RGS9: variants seen among roughly 807,000 people sequenced by gnomAD.
The protein encoded by RGS9 is regulator of G-protein signalling 9.
In RGS9, 78 loss-of-function variants were observed where a neutral mutation model predicts 102.0. The observed-to-expected ratio is 0.76, with a 90% CI of 0.64 to 0.92. The LOEUF (loss-of-function observed/expected upper bound fraction) is 0.92, where lower values mean the gene tolerates loss of function less well. RGS9 is among the 40% of genes least tolerant of loss of function. The pLI, the probability that RGS9 is intolerant of heterozygous loss-of-function variation, is 0.00. For missense variants in RGS9, 833 were observed against 866.1 expected (o/e 0.96, Z 0.48); for synonymous variants, 353 against 318.6 (o/e 1.11, Z -1.15).
intron 17 of RGS9, among the ~76,000 whole-genome samples, chr17:65,213,886 T>C (rs1913397202): frequency 6.6e-6 from 1 of 152,184 alleles, no homozygotes; most frequent in Admixed American, 6.5e-5. Context: ...ACACTATCTG[T>C]CTAGAGGAAG....
Position 65,225,129 on chromosome 17 carries a change from GC to G in RGS9, c.1536del (p.Phe513SerfsTer74). Reference sequence around the variant, plus strand: ...AGGAAGCCTTTCGCCTCACCCAGCCGCTTCATCCGGCGACCCAGCACCACCA... The same window carrying G: ...AGGAAGCCTTTCGCCTCACCCAGCCGTTCATCCGGCGACCCAGCACCACCA... ...SPRKPFASPSRFIRRPSTTIC... is the reference protein window; with the variant it reads ...SPRKPFASPSXFIRRPSTTIC... On this transcript the variant is annotated frameshift_variant, in exon 18 of 19. Transcript: ENST00000262406. LOFTEE classifies it high-confidence loss of function. 1 of 1,613,594 alleles carries G rather than the reference GC, an allele frequency of 6.2e-7. No homozygotes were observed. The highest frequency in any genetic ancestry group is 8.5e-7 in the Non-Finnish European group (1 of 1,180,010).
rs372223065 is a variant in RGS9, at chr17:65,174,273, A to C, written c.583-3459A>C. Among the ~76,000 whole-genome samples the C allele has an allele frequency of 1.1e-4, 16 of 152,370 alleles. No homozygotes were observed. The East Asian group carries it at 3.1e-3, about 29-fold the overall frequency. ...TAGATAACGAATTCAAGACTTGAGC[A>C]GATGACCACACCGAAGTCACCGAGG... On this transcript the variant is annotated intron_variant, in intron 8 of 18. Coordinates refer to ENST00000262406, the MANE Select transcript of RGS9 (RefSeq NM_003835.4).
intron 14 of RGS9, 55 bp downstream of exon 14, chr17:65,202,135 C>A: frequency 8.1e-7 from 1 of 1,227,444 alleles, no homozygotes; most frequent in Non-Finnish European, 1.2e-6. Flanking sequence ...GAGGACCACC[C>A]CATTGTGCTT....
chr17:65,176,738 TCCATCCATCCATCCAC>T (rs1330968764), intron 8 of RGS9, among the ~76,000 whole-genome samples: 5 of 146,208 alleles, frequency 3.4e-5, no homozygotes, highest in African/African-American at 1.3e-4. Flanking sequence ...CATCCATCCA[TCCATCCATCCATCCAC>T]CCATCCACCC....
At position 65,160,892 on chromosome 17, in the gene RGS9, T is replaced by C. The variant is rs1406411013; in HGVS notation, c.406T>C (p.Leu136=). 6 of 1,613,704 alleles carry C rather than the reference T, an allele frequency of 3.7e-6. No homozygotes were observed. Among genetic ancestry groups the C allele is most frequent in the Non-Finnish European group, 5.1e-6 (6 of 1,179,666 alleles). ...AKRNIKKKGI[L]EEYEKENYNF... ...GCGAAATATCAAAAAGAAAGGGATT[T>C]TGGAAGAATATGAAAAGGTATGGAG... Residue 136 remains leucine, a synonymous_variant, in exon 6 of 19, where the codon TTG becomes CTG. Coordinates refer to ENST00000262406, the MANE Select transcript of RGS9 (RefSeq NM_003835.4).
intron 7 of RGS9, among the ~76,000 whole-genome samples, chr17:65,164,342 C>T (rs1911094705): frequency 6.6e-6 from 1 of 152,186 alleles, no homozygotes; most frequent in Non-Finnish European, 1.5e-5. Flanking sequence ...TCATCCTGCT[C>T]ATGAGTCACT....
At chr17:65,155,383 G>A (rs959240839) in intron 2 of RGS9, among the ~76,000 whole-genome samples, 1 of 152,218 alleles carries the variant, frequency 6.6e-6, no homozygotes, top group Non-Finnish European at 1.5e-5. Flanking sequence ...TCTCAGAGCT[G>A]TGTTTGTAAC....
intron 1 of RGS9, among the ~76,000 whole-genome samples, chr17:65,143,625 T>C (rs989086134): frequency 8.7e-5 from 13 of 149,906 alleles, no homozygotes; most frequent in African/African-American, 2.7e-4. Context: ...CTACCAAAAA[T>C]ACACACACAC....
At chr17:65,193,415 G>A (rs1912455516) in intron 11 of RGS9, 128 bp from the exon 12 acceptor site, 1 of 713,428 alleles carries the variant, frequency 1.4e-6, no homozygotes. Flanking sequence ...AAATTTCTAG[G>A]AAAACAGTAA....
intron 8 of RGS9, 118 bp from the exon 9 acceptor site, chr17:65,177,614 T>A: frequency 9.7e-7 from 1 of 1,029,542 alleles, no homozygotes; most frequent in Non-Finnish European, 1.5e-6. Flanking sequence ...TCCCATGGGC[T>A]AGGCCACAAG....
intron 8 of RGS9, among the ~76,000 whole-genome samples, chr17:65,177,069 C>A (rs1911661201): frequency 6.6e-6 from 1 of 151,406 alleles, no homozygotes; most frequent in South Asian, 2.1e-4. Flanking sequence ...ATCCATCCAT[C>A]CATCCATCCA....
intron 1 of RGS9, among the ~76,000 whole-genome samples, chr17:65,138,779 G>A (rs1910011016): frequency 6.6e-6 from 1 of 152,068 alleles, no homozygotes; most frequent in African/African-American, 2.4e-5. Flanking sequence ...GACAGCTCTG[G>A]CTTGGGGGCT....
At position 65,202,468 on chromosome 17, in the gene RGS9, T is replaced by TGA. The variant is rs1254887731; in HGVS notation, c.1064+401_1064+402dup. On this transcript the variant is annotated intron_variant, in intron 14 of 18. Coordinates refer to ENST00000262406, the MANE Select transcript of RGS9 (RefSeq NM_003835.4). ...GTGAGAGAGAGAGAGAGAGAGAGAG[T>TGA]GAGAGAGAGAGAGAAGAAGCAGCAA... 7.1e-5 allele frequency among the ~76,000 whole-genome samples: 7 copies of TGA among 97,956 alleles called. No individual in the cohort carries two copies. The South Asian group carries it at 9.9e-4, about 14-fold the overall frequency. The allele number at this position is 97,956 out of a possible 152,430, so 64.3% of individuals were successfully genotyped here.
rs907660313 is a variant in RGS9 at position 65,173,015 on chromosome 17, T to C, written c.583-4717T>C. ...TCAGCTCACTGCAACCTTCGCCTCC[T>C]GGGTTCCAGCGATTCTCCTGCCTCA... On this transcript the variant is annotated intron_variant, in intron 8 of 18. Coordinates refer to ENST00000262406, the MANE Select transcript of RGS9 (RefSeq NM_003835.4). The surrounding 1 kb of genome is among the most constrained non-coding windows in gnomAD (Gnocchi z 4.8). 1.3e-5 allele frequency among the ~76,000 whole-genome samples: 2 copies of C among 151,892 alleles called. No individual in the cohort carries two copies. Among genetic ancestry groups the C allele is most frequent in the Non-Finnish European group, 2.9e-5 (2 of 67,974 alleles).
chr17:65,177,732 C>A lies in RGS9; in HGVS notation c.583C>A (p.Pro195Thr), dbSNP rs536881500. 6 of 1,613,600 alleles carry A rather than the reference C, an allele frequency of 3.7e-6. No homozygotes were observed. In the East Asian group the frequency reaches 1.1e-4, roughly 30 times the overall value. ...KAYWLVHRCP[P>T]GMDNVLDYGL... ...CTTATGTTGTTTTTATTCCATTTAGCCTGGAATGGACAATGTGCTGGACTA... is the reference window on the plus strand; with the variant it reads ...CTTATGTTGTTTTTATTCCATTTAGACTGGAATGGACAATGTGCTGGACTA... The change falls in exon 9 of 19, where the codon CCT becomes ACT. Residue 195 changes from proline to threonine, a missense_variant and splice_region_variant. By Grantham distance (38) the Pro-to-Thr change is conservative (BLOSUM62 -1). Around this residue, in one of 3 missense-constraint regions of RGS9, gnomAD observed 328 missense variants for 340.6 expected, o/e 0.96. Coordinates refer to ENST00000262406, the MANE Select transcript of RGS9 (RefSeq NM_003835.4).
chr17:65,207,858 G>A, intron 15 of RGS9, 64 bp from the exon 16 acceptor site: 2 of 1,163,976 alleles, frequency 1.7e-6, no homozygotes, highest in Non-Finnish European at 2.6e-6. Flanking sequence ...AAATGGCAAG[G>A]GTATTGGTTT....
chr17:65,197,331 G>T (rs1273145230), intron 13 of RGS9, 90 bp downstream of exon 13: 1 of 887,864 alleles, frequency 1.1e-6, no homozygotes, highest in African/African-American at 1.7e-5. Flanking sequence ...GAATTTCTCA[G>T]CAGATGTTTT....
chr17:65,202,173 A>T, intron 14 of RGS9, 93 bp downstream of exon 14: 1 of 839,106 alleles, frequency 1.2e-6, no homozygotes. Flanking sequence ...AGAGGACAAC[A>T]GCCTGGTAGC....
At chr17:65,202,448 A>T (rs377255222) in intron 14 of RGS9, among the ~76,000 whole-genome samples, 24,318 of 120,938 alleles carry the variant, frequency 0.2, 1,929 homozygotes, top group African/African-American at 0.27. Context: ...TGTGTGTGAG[A>T]GAGAGAGAGA....
Sources: gnomAD v4.1 joint callset for allele counts (sites outside exome capture counted in the v4.1 genomes callset) on GRCh38, gnomAD v4.1.1 for gene constraint, gnomAD v4.1.1 regional missense constraint, Gnocchi (gnomAD v3.1) non-coding constraint, MANE v1.5 for transcripts, NCBI Gene and HGNC (gene_info 2026-07-23, HGNC 2026-07-21) for gene names.